Variants in PRICKLE1 observed in about 807,000 individuals in gnomAD.
PRICKLE1 encodes the protein prickle planar cell polarity protein 1, also known as prickle-like protein 1.
Under a neutral mutation model 70.2 loss-of-function variants are expected in PRICKLE1, and 14 were observed. That is an observed-to-expected ratio of 0.20 (90% confidence interval 0.13 to 0.31). PRICKLE1 has a LOEUF of 0.31. Ranked by LOEUF, PRICKLE1 falls within the 10% of genes least tolerant of loss-of-function variation. The pLI, the probability that PRICKLE1 is intolerant of heterozygous loss-of-function variation, is 1.00. For synonymous variants in PRICKLE1, 357 were observed against 379.9 expected, an observed-to-expected ratio of 0.94 and a Z score of 0.70; for missense variants, 821 against 1,026.2, an observed-to-expected ratio of 0.80 and a Z score of 2.73.
At chr12:42,559,637 G>A (rs887135081) in intron 1 of PRICKLE1, among the ~76,000 whole-genome samples, 1 of 38,528 alleles carries the variant, frequency 2.6e-5, no homozygotes, top group Non-Finnish European at 6.2e-5. Context: ...TTTTTTTTTT[G>A]GGGGGGGTAG....
intron 3 of PRICKLE1, 183 bp downstream of exon 3, chr12:42,470,063 C>A: frequency 3.3e-6 from 2 of 600,870 alleles, no homozygotes. Flanking sequence ...GTTTATTACA[C>A]TGATACTCTT....
Position 42,460,288 on chromosome 12 carries a change from G to A in PRICKLE1, c.2017C>T (p.His673Tyr). ...GACTTTCTACTTCTCCGGCGGCGGT[G>A]GTGATGAGACCTGGATCCCCTCTCT... ...FEERGSRSHH[H>Y]RRRRSRKSRS... is the part of the protein sequence containing the mutation. The change falls in exon 8 of 8, where the codon CAC (histidine) becomes TAC (tyrosine). Residue 673 changes from histidine to tyrosine, a missense_variant. Coordinates refer to ENST00000345127, the MANE Select transcript of PRICKLE1 (RefSeq NM_153026.3). 12 of 1,614,142 alleles carry A rather than the reference G, an allele frequency of 7.4e-6. No individual in the cohort carries two copies. Among genetic ancestry groups the A allele is most frequent in the Non-Finnish European group, 1.0e-5 (12 of 1,180,022 alleles).
intron 1 of PRICKLE1, among the ~76,000 whole-genome samples, chr12:42,482,157 T>A (rs1015182303): frequency 3.9e-5 from 6 of 152,224 alleles, no homozygotes; most frequent in African/African-American, 1.2e-4. Flanking sequence ...CATCACCCAA[T>A]GGTCAAGAAA....
In PRICKLE1 at chr12:42,502,882, G is replaced by A. The variant is rs145393425; in HGVS notation, c.-48-30318C>T. Among the ~76,000 whole-genome samples the A allele has an allele frequency of 1.0e-3, 159 of 152,268 alleles. 3 individuals carry two copies. Among genetic ancestry groups the A allele is most frequent in the African/African-American group, 3.3e-3 (138 of 41,568 alleles). On this transcript the variant is annotated intron_variant, in intron 1 of 7. Coordinates refer to ENST00000345127, the MANE Select transcript of PRICKLE1 (RefSeq NM_153026.3). The stretch of plus-strand genomic sequence containing the variant: ...TGTTGCTTTGCTTCTCTCTTTTTGA[G>A]GAGGAAAAATCCAGCTTCCAAGAAG...
At chr12:42,568,021 A>G (rs1940651326) in intron 1 of PRICKLE1, among the ~76,000 whole-genome samples, 1 of 152,172 alleles carries the variant, frequency 6.6e-6, no homozygotes. Context: ...TTGTGAATGG[A>G]ATCTGGTCCA....
intron 1 of PRICKLE1, among the ~76,000 whole-genome samples, chr12:42,490,263 G>A (rs1296389560): frequency 1.3e-5 from 2 of 152,198 alleles, no homozygotes; most frequent in Non-Finnish European, 2.9e-5. Context: ...AGGACTAAAA[G>A]GATTTGATCA....
intron 2 of PRICKLE1, among the ~76,000 whole-genome samples, chr12:42,472,143 G>C (rs909960103): frequency 1.3e-5 from 2 of 152,160 alleles, no homozygotes; most frequent in African/African-American, 4.8e-5. Context: ...ATTCATTAGA[G>C]CAAAAATGGG....
intron 1 of PRICKLE1, among the ~76,000 whole-genome samples, chr12:42,550,511 T>A (rs555851730): frequency 6.6e-6 from 1 of 152,322 alleles, no homozygotes; most frequent in South Asian, 2.1e-4. Context: ...GTTTATCCTT[T>A]CTTTGAAACT....
chr12:42,557,788 G>GTT (rs1320547922), intron 1 of PRICKLE1, among the ~76,000 whole-genome samples: 3 of 152,178 alleles, frequency 2.0e-5, no homozygotes, highest in African/African-American at 7.2e-5. Flanking sequence ...ACCATGCAGA[G>GTT]TTTTTCTCTC....
intron 1 of PRICKLE1, among the ~76,000 whole-genome samples, chr12:42,580,126 C>T (rs1161551434): frequency 2.6e-5 from 4 of 152,156 alleles, no homozygotes; most frequent in East Asian, 1.9e-4. Context: ...CTGCCTGCCT[C>T]GGCCTCCCAA....
chr12:42,521,611 G>A (rs953121643), intron 1 of PRICKLE1, among the ~76,000 whole-genome samples: 1 of 151,982 alleles, frequency 6.6e-6, no homozygotes, highest in African/African-American at 2.4e-5. Flanking sequence ...GAGGTCGGGG[G>A]GATCGCTTAA....
chr12:42,535,433 G>A (rs1940000721), intron 1 of PRICKLE1, among the ~76,000 whole-genome samples: 2 of 152,190 alleles, frequency 1.3e-5, no homozygotes, highest in African/African-American at 4.8e-5. Context: ...ACCTGGTGTG[G>A]ATCAGAGTCA....
At chr12:42,580,604 T>C (rs1252582368) in intron 1 of PRICKLE1, among the ~76,000 whole-genome samples, 2 of 152,208 alleles carry the variant, frequency 1.3e-5, no homozygotes, top group Non-Finnish European at 1.5e-5. Flanking sequence ...AGCATATTAT[T>C]TGAAAACATA....
At chr12:42,475,947 A>G (rs1449565879) in intron 1 of PRICKLE1, among the ~76,000 whole-genome samples, 1 of 151,522 alleles carries the variant, frequency 6.6e-6, no homozygotes, top group East Asian at 2.0e-4. Context: ...TAAAAATATA[A>G]AAGTCAGCTG....
intron 1 of PRICKLE1, among the ~76,000 whole-genome samples, chr12:42,530,616 A>T (rs1939893947): frequency 6.6e-6 from 1 of 151,972 alleles, no homozygotes; most frequent in South Asian, 2.1e-4. Flanking sequence ...AAAGACACAA[A>T]GGAAGGTTTT....
At chr12:42,516,505 G>A (rs1309026130) in intron 1 of PRICKLE1, among the ~76,000 whole-genome samples, 1 of 151,994 alleles carries the variant, frequency 6.6e-6, no homozygotes, top group Non-Finnish European at 1.5e-5. Flanking sequence ...TCCTGTTCTT[G>A]TTTACAGGGT....
At chr12:42,495,599 T>C (rs187769759) in intron 1 of PRICKLE1, among the ~76,000 whole-genome samples, 117 of 152,134 alleles carry the variant, frequency 7.7e-4, no homozygotes, top group African/African-American at 2.6e-3. Flanking sequence ...TCTTTTTTTT[T>C]TTTCTTTTTT....
At chr12:42,469,222 A>ACCCAATGTTTGCATAAG (rs1313297564) in intron 4 of PRICKLE1, among the ~76,000 whole-genome samples, 2 of 152,156 alleles carry the variant, frequency 1.3e-5, no homozygotes, top group Non-Finnish European at 2.9e-5. Flanking sequence ...GCAGGATTTC[A>ACCCAATGTTTGCATAAG]CCCAATGTTT....
chr12:42,567,491 A>G (rs375386298), intron 1 of PRICKLE1, among the ~76,000 whole-genome samples: 1 of 152,196 alleles, frequency 6.6e-6, no homozygotes, highest in Non-Finnish European at 1.5e-5. Context: ...TATCTGTAGT[A>G]TAGGAGCAAA....
Sources: allele counts gnomAD v4.1 joint callset (sites outside exome capture counted in the v4.1 genomes callset), GRCh38; gene constraint gnomAD v4.1.1; transcripts MANE v1.5; gene names NCBI Gene and HGNC (gene_info 2026-07-23, HGNC 2026-07-21).